The following ANKRD26 variants were observed in gnomAD, a reference collection of about 807,000 sequenced individuals.
ANKRD26 encodes ankyrin repeat domain 26, also known as ankyrin repeat domain-containing protein 26.
Under a neutral mutation model 208.7 loss-of-function variants are expected in ANKRD26, and 141 were observed. That is an observed-to-expected ratio of 0.68 (90% CI 0.59 to 0.78). ANKRD26 has a LOEUF of 0.78. ANKRD26 is among the 30% of genes least tolerant of loss of function. The probability of loss-of-function intolerance (pLI) is 0.00; values close to 1 mark genes in which losing one functional copy is unlikely to be tolerated. For missense variants in ANKRD26, 1,889 were observed against 1,938.7 expected (o/e 0.97, Z 0.48); for synonymous variants, 636 against 660.4 (o/e 0.96, Z 0.57).
chr10:27,047,732 TAA>T (rs1491280952), intron 17 of ANKRD26, among the ~76,000 whole-genome samples: 41 of 100,494 alleles, frequency 4.1e-4, no homozygotes, highest in African/African-American at 1.1e-3. Flanking sequence ...CTAATAATAA[TAA>T]TAATAATTAT....
exon 6 of ANKRD26, among the ~76,000 whole-genome samples, chr10:26,975,894 CTT>C (rs1211070335): frequency 1.3e-5 from 2 of 151,498 alleles, no homozygotes; most frequent in African/African-American, 4.8e-5. Context: ...TAAATGACAA[CTT>C]ACCACAAGGG....
chr10:27,011,383 C>G (rs531350629), intron 32 of ANKRD26, among the ~76,000 whole-genome samples: 27 of 152,248 alleles, frequency 1.8e-4, no homozygotes, highest in African/African-American at 4.3e-4. Flanking sequence ...TCCTCCTGCC[C>G]CAGCCTCCCA....
chr10:27,051,336 T>C (rs1353553780), intron 16 of ANKRD26: 2 of 1,262,948 alleles, frequency 1.6e-6, no homozygotes, highest in Non-Finnish European at 2.0e-6. Context: ...AGAAATACTA[T>C]GCCTTTTTAT....
intron 32 of ANKRD26, among the ~76,000 whole-genome samples, chr10:27,009,878 T>C (rs929200283): frequency 6.6e-6 from 1 of 152,192 alleles, no homozygotes; most frequent in African/African-American, 2.4e-5. Context: ...ACTTCATGTA[T>C]ACTTTTTCAT....
chr10:27,006,858 A>C (rs1050131202), intron 33 of ANKRD26, 59 bp downstream of exon 33: 18 of 1,380,822 alleles, frequency 1.3e-5, no homozygotes, highest in South Asian at 2.3e-5. Flanking sequence ...ACGATTTACA[A>C]TTTATTTCAG....
intron 32 of ANKRD26, among the ~76,000 whole-genome samples, chr10:27,010,893 T>C (rs1253120318): frequency 1.3e-5 from 2 of 152,130 alleles, no homozygotes; most frequent in African/African-American, 4.8e-5. Context: ...GATCATCTCA[T>C]TGTCAGAAAA....
Position 27,046,401 on chromosome 10 carries a change from T to C in ANKRD26, c.1937A>G (p.Gln646Arg), listed in dbSNP as rs940426239. ...ACTTAAACTGCTGTCATCATCCACT[T>C]GTAGCAGGCCACCAGTTAGTAAACT... ...KASLLTGGLL[Q>R]VDDDSSLSEI... The change falls in exon 18 of 34, where the codon CAA (glutamine) becomes CGA (arginine). Residue 646 changes from glutamine to arginine, a missense_variant. By Grantham distance (43) the Gln-to-Arg change is conservative. Around this residue, in one of 3 missense-constraint regions of ANKRD26, gnomAD observed 1,272 missense variants for 1,273.8 expected, o/e 1.00. Coordinates refer to ENST00000376087, the MANE Select transcript of ANKRD26 (RefSeq NM_014915.3). The C allele has an allele frequency of 3.1e-6, 5 of 1,614,168 alleles. No individual in the cohort carries two copies. In the South Asian group the frequency reaches 5.5e-5, roughly 18 times the overall value.
chr10:26,973,395 G>T (rs576624353), downstream of ANKRD26, among the ~76,000 whole-genome samples: 140 of 149,896 alleles, frequency 9.3e-4, no homozygotes, highest in African/African-American at 3.3e-3. Flanking sequence ...CTTAAAGGTT[G>T]TCTGATTTTA....
chr10:26,975,074 T>G (rs757560851), exon 6 of ANKRD26, among the ~76,000 whole-genome samples: 1 of 152,188 alleles, frequency 6.6e-6, no homozygotes. Context: ...AGACTTGTCT[T>G]GAGTTATGCC....
chr10:27,071,240 A>C (rs2055482532), intron 9 of ANKRD26, among the ~76,000 whole-genome samples: 2 of 132,466 alleles, frequency 1.5e-5, no homozygotes, highest in South Asian at 4.5e-4. Context: ...ATCTCGGCTC[A>C]CTGCAAGCTC....
intron 9 of ANKRD26, among the ~76,000 whole-genome samples, chr10:27,068,721 C>T (rs1448485765): frequency 6.6e-6 from 1 of 152,056 alleles, no homozygotes; most frequent in Non-Finnish European, 1.5e-5. Flanking sequence ...ATCACAGATA[C>T]ATTTCAGAAA....
chr10:27,029,206 A>T, intron 26 of ANKRD26, 80 bp downstream of exon 26: 1 of 1,451,788 alleles, frequency 6.9e-7, no homozygotes, highest in Non-Finnish European at 9.5e-7. Context: ...TTATGATCAT[A>T]GCTGATATAA....
chr10:27,051,065 T>C (rs2054638913), intron 16 of ANKRD26: 1 of 1,243,782 alleles, frequency 8.0e-7, no homozygotes. Context: ...CTACCTCTTT[T>C]TGAAGTTGGA....
chr10:27,076,115 C>T (rs1227670856), intron 9 of ANKRD26, among the ~76,000 whole-genome samples: 1 of 151,958 alleles, frequency 6.6e-6, no homozygotes, highest in Non-Finnish European at 1.5e-5. Context: ...AACATCACAC[C>T]TCAGGAAATT....
chr10:26,991,132 C>T (rs1417517630), downstream of ANKRD26, among the ~76,000 whole-genome samples: 3 of 152,130 alleles, frequency 2.0e-5, no homozygotes, highest in East Asian at 5.8e-4. Flanking sequence ...TCAGGGATCC[C>T]TGGAGGAAGG....
intron 5 of ANKRD26, chr10:26,992,010 G>A (rs545234324): frequency 3.9e-5 from 6 of 152,204 alleles, no homozygotes; most frequent in Non-Finnish European, 5.9e-5. Context: ...CTGCACCTGC[G>A]AAGATAAGCT....
intron 16 of ANKRD26, 23 bp from the exon 17 acceptor site, chr10:27,049,002 A>G (rs1428501666): frequency 6.5e-7 from 1 of 1,545,428 alleles, no homozygotes; most frequent in Non-Finnish European, 8.9e-7. Context: ...TTTGATACTA[A>G]GGAATTGCTA....
chr10:27,079,620 G>A (rs916709471), intron 6 of ANKRD26, among the ~76,000 whole-genome samples: 3 of 152,184 alleles, frequency 2.0e-5, no homozygotes, highest in Non-Finnish European at 4.4e-5. Flanking sequence ...TTGGGAGGCG[G>A]AGGCAGGAAG....
chr10:26,949,492 T>G, the ANKRD26 span, among the ~76,000 whole-genome samples: 1 of 151,916 alleles, frequency 6.6e-6, no homozygotes, highest in African/African-American at 2.4e-5. Flanking sequence ...TATAGTTATA[T>G]TAATTAATTT....
Sources: allele counts gnomAD v4.1 joint callset (sites outside exome capture counted in the v4.1 genomes callset), GRCh38; gene constraint gnomAD v4.1.1; regional missense constraint gnomAD v4.1.1; transcripts MANE v1.5; gene names NCBI Gene and HGNC (gene_info 2026-07-23, HGNC 2026-07-21).